Variants in RBPJ observed in about 807,000 individuals in gnomAD.
RBPJ encodes recombination signal binding protein for immunoglobulin kappa J region, also known as recombining binding protein suppressor of hairless.
In RBPJ, 9 loss-of-function variants were observed where a neutral mutation model predicts 67.8. The ratio of observed to expected loss-of-function variants is 0.13; its 90% confidence interval spans 0.08 to 0.23. The LOEUF (loss-of-function observed/expected upper bound fraction) is 0.23, where lower values mean the gene tolerates loss of function less well. Ranked by LOEUF, RBPJ falls within the 10% of genes least tolerant of loss-of-function variation. The pLI is 1.00. For synonymous variants in RBPJ, 198 were observed against 203.3 expected (o/e 0.97, Z 0.22); for missense variants, 305 against 595.6 (o/e 0.51, Z 5.08).
chr4:26,369,698 G>A (rs1186117186), intron 1 of RBPJ, among the ~76,000 whole-genome samples: 2 of 152,144 alleles, frequency 1.3e-5, no homozygotes, highest in Non-Finnish European at 2.9e-5. Flanking sequence ...TTTGTTAGGA[G>A]GTGGACAGTT....
At chr4:26,326,824 A>G (rs1723674349) in intron 1 of RBPJ, among the ~76,000 whole-genome samples, 1 of 152,188 alleles carries the variant, frequency 6.6e-6, no homozygotes, top group African/African-American at 2.4e-5. Context: ...GCAGGGCTCA[A>G]GATGGACTTT....
At chr4:26,349,090 G>GCA (rs1362095135) in intron 1 of RBPJ, among the ~76,000 whole-genome samples, 4 of 136,374 alleles carry the variant, frequency 2.9e-5, no homozygotes, top group East Asian at 2.2e-4. Flanking sequence ...GTGTGTGTGC[G>GCA]CGCGCGCACG....
intron 1 of RBPJ, among the ~76,000 whole-genome samples, chr4:26,177,144 C>T (rs778997101): frequency 3.9e-5 from 6 of 152,108 alleles, no homozygotes; most frequent in African/African-American, 4.8e-5. Flanking sequence ...ATAAGCCTCC[C>T]GGGGAGAATT....
At chr4:26,320,307 C>G (rs1722881058), upstream of RBPJ, among the ~76,000 whole-genome samples, 1 of 152,152 alleles carries the variant, frequency 6.6e-6, no homozygotes, top group African/African-American at 2.4e-5. Flanking sequence ...TCATTTCACA[C>G]CCAAGGAGAA....
intron 4 of RBPJ, among the ~76,000 whole-genome samples, chr4:26,417,417 A>G (rs1393218440): frequency 1.3e-5 from 2 of 152,200 alleles, no homozygotes; most frequent in Non-Finnish European, 2.9e-5. Context: ...TTCCACTAGT[A>G]TACCCTTTCC....
intron 1 of RBPJ, among the ~76,000 whole-genome samples, chr4:26,297,885 A>G (rs1010229298): frequency 2.0e-5 from 3 of 151,966 alleles, no homozygotes; most frequent in Admixed American, 1.3e-4. Context: ...AAAAAGTCCC[A>G]GGAGAGCTTT....
chr4:26,165,712 CT>C (rs67295097), intron 1 of RBPJ, among the ~76,000 whole-genome samples: 47,935 of 148,942 alleles, frequency 0.32, 8,834 homozygotes, highest in East Asian at 0.51. Flanking sequence ...CATTTTTTTT[CT>C]TTTTTTTTTA....
At chr4:26,286,564 C>T (rs1721475137) in intron 1 of RBPJ, among the ~76,000 whole-genome samples, 2 of 151,352 alleles carry the variant, frequency 1.3e-5, no homozygotes, top group African/African-American at 4.9e-5. Context: ...TGTGATCTCT[C>T]TGTCCTTCAA....
chr4:26,157,914 T>C, the RBPJ span, among the ~76,000 whole-genome samples: 1 of 152,156 alleles, frequency 6.6e-6, no homozygotes, highest in Non-Finnish European at 1.5e-5. Flanking sequence ...AAAATAATCT[T>C]GGATGATCTA....
At chr4:26,419,274 G>T (rs1307956781) in intron 4 of RBPJ, among the ~76,000 whole-genome samples, 2 of 152,014 alleles carry the variant, frequency 1.3e-5, no homozygotes, top group African/African-American at 2.4e-5. Flanking sequence ...CCACCACCCT[G>T]GCCTGTTTTT....
intron 1 of RBPJ, among the ~76,000 whole-genome samples, chr4:26,280,149 C>A (rs1205503261): frequency 6.6e-6 from 1 of 150,616 alleles, no homozygotes; most frequent in Non-Finnish European, 1.5e-5. Flanking sequence ...AATCCCTGCA[C>A]TTTGGGAGGC....
At chr4:26,334,746 A>G (rs913537913) in intron 1 of RBPJ, among the ~76,000 whole-genome samples, 2 of 152,138 alleles carry the variant, frequency 1.3e-5, no homozygotes, top group African/African-American at 4.8e-5. Context: ...ACCTCATTTC[A>G]GTCATCAGCC....
intron 1 of RBPJ, among the ~76,000 whole-genome samples, chr4:26,365,049 T>C (rs1004432973): frequency 1.9e-4 from 29 of 151,488 alleles, no homozygotes; most frequent in African/African-American, 6.3e-4. Context: ...CATAAATTTA[T>C]ATATTAGAAA....
intron 1 of RBPJ, among the ~76,000 whole-genome samples, chr4:26,235,417 A>G (rs1426989562): frequency 6.6e-6 from 1 of 152,248 alleles, no homozygotes; most frequent in Non-Finnish European, 1.5e-5. Flanking sequence ...CTGGGCCAAG[A>G]ACTTATGTCT....
intron 1 of RBPJ, among the ~76,000 whole-genome samples, chr4:26,347,107 G>A (rs185926799): frequency 2.0e-5 from 3 of 152,204 alleles, no homozygotes; most frequent in Non-Finnish European, 4.4e-5. Flanking sequence ...ATGGCCTTGA[G>A]GTAAAAGGCA....
At chr4:26,298,727 TG>T (rs1432406933) in intron 1 of RBPJ, among the ~76,000 whole-genome samples, 2 of 152,122 alleles carry the variant, frequency 1.3e-5, no homozygotes, top group African/African-American at 4.8e-5. Flanking sequence ...TTATTAACAG[TG>T]GAGACTGATT....
At chr4:26,176,718 C>T (rs901054720) in intron 1 of RBPJ, among the ~76,000 whole-genome samples, 11 of 152,178 alleles carry the variant, frequency 7.2e-5, no homozygotes, top group Non-Finnish European at 2.9e-5. Context: ...AGAGAAGCTT[C>T]GAGTCACATT....
chr4:26,405,632 G>C (rs868071252), intron 2 of RBPJ, among the ~76,000 whole-genome samples: 6 of 151,848 alleles, frequency 4.0e-5, no homozygotes, highest in African/African-American at 1.5e-4. Context: ...AGATAATTAT[G>C]TATTCGTATG....
At chr4:26,183,692 T>G (rs187143059) in intron 1 of RBPJ, among the ~76,000 whole-genome samples, 1 of 152,282 alleles carries the variant, frequency 6.6e-6, no homozygotes, top group African/African-American at 2.4e-5. Context: ...GGACTGATAA[T>G]AGCCCAGATG....
Sources: gnomAD v4.1 joint callset for allele counts (sites outside exome capture counted in the v4.1 genomes callset) on GRCh38, gnomAD v4.1.1 for gene constraint, MANE v1.5 for transcripts, NCBI Gene and HGNC (gene_info 2026-07-23, HGNC 2026-07-21) for gene names.